Variants in RAP1A observed in about 807,000 individuals in gnomAD.
RAP1A encodes RAP1A, member of RAS oncogene family.
Under a neutral mutation model 26.4 loss-of-function variants are expected in RAP1A, and 6 were observed. The ratio of observed to expected loss-of-function variants is 0.23; its 90% CI spans 0.12 to 0.45. The LOEUF (loss-of-function observed/expected upper bound fraction) is 0.45, where lower values mean the gene tolerates loss of function less well. RAP1A is among the 20% of genes least tolerant of loss of function. The pLI is 0.99. For synonymous variants in RAP1A, 73 were observed against 79.4 expected (o/e 0.92, Z 0.43); for missense variants, 121 against 217.2 (o/e 0.56, Z 2.78).
At chr1:111,681,639 C>T (rs566038950) in intron 1 of RAP1A, among the ~76,000 whole-genome samples, 1 of 152,082 alleles carries the variant, frequency 6.6e-6, no homozygotes, top group African/African-American at 2.4e-5. Flanking sequence ...AGCGTGAAGA[C>T]AAGATTAGAG....
chr1:111,687,154 C>CT lies in RAP1A; in HGVS notation c.-27-4172dup, dbSNP rs1033578771. Among the ~76,000 whole-genome samples, 36 of 148,178 alleles carry CT rather than the reference C, an allele frequency of 2.4e-4. No individual in the cohort carries two copies. In the South Asian group the frequency reaches 3.2e-3, roughly 13 times the overall value. Reference sequence around the variant, plus strand: ...TGTATTTGTCCCATTTTTTTCTTTGCTTTTTTTTGCTTATTTGTTTGCATT... The same window carrying CT: ...TGTATTTGTCCCATTTTTTTCTTTGCTTTTTTTTTGCTTATTTGTTTGCATT... On this transcript the variant is annotated intron_variant, in intron 1 of 7. Coordinates refer to ENST00000369709, the MANE Select transcript of RAP1A (RefSeq NM_002884.4).
intron 1 of RAP1A, among the ~76,000 whole-genome samples, chr1:111,620,803 C>A (rs1298860709): frequency 2.0e-5 from 3 of 152,066 alleles, no homozygotes; most frequent in Non-Finnish European, 4.4e-5. Context: ...ATCTCTTGCC[C>A]CCTTAATCAG....
At chr1:111,577,868 AC>A (rs1284592991) in intron 1 of RAP1A, among the ~76,000 whole-genome samples, 1 of 151,990 alleles carries the variant, frequency 6.6e-6, no homozygotes, top group East Asian at 1.9e-4. Context: ...CCTCCTCTCC[AC>A]CCATCCTAAA....
At chr1:111,629,220 A>T (rs1445876412) in intron 1 of RAP1A, among the ~76,000 whole-genome samples, 1 of 152,170 alleles carries the variant, frequency 6.6e-6, no homozygotes, top group Non-Finnish European at 1.5e-5. Flanking sequence ...AATTGTGTGT[A>T]TGATGTTTAG....
chr1:111,628,526 C>A (rs1659468500), intron 1 of RAP1A, among the ~76,000 whole-genome samples: 1 of 152,106 alleles, frequency 6.6e-6, no homozygotes, highest in South Asian at 2.1e-4. Context: ...TTCAGGAGTA[C>A]AAGCTTTGGT....
chr1:111,669,026 GAAAAAAA>G (rs58557062), intron 1 of RAP1A, among the ~76,000 whole-genome samples: 5 of 19,846 alleles, frequency 2.5e-4, no homozygotes, highest in Admixed American at 1.2e-3. Context: ...CCTATCTCAA[GAAAAAAA>G]AAAAAAAAAA....
At chr1:111,670,201 T>C (rs1462026308) in intron 1 of RAP1A, among the ~76,000 whole-genome samples, 10 of 152,070 alleles carry the variant, frequency 6.6e-5, no homozygotes, top group Admixed American at 5.9e-4. Flanking sequence ...CCCAGGCGCA[T>C]TGGTGCATTC....
At chr1:111,624,877 G>A (rs957479133) in intron 1 of RAP1A, among the ~76,000 whole-genome samples, 1 of 151,828 alleles carries the variant, frequency 6.6e-6, no homozygotes, top group African/African-American at 2.4e-5. Flanking sequence ...TTTTTTAAAA[G>A]CACTAATGAC....
At chr1:111,662,374 G>C (rs1357158063) in intron 1 of RAP1A, among the ~76,000 whole-genome samples, 1 of 127,274 alleles carries the variant, frequency 7.9e-6, no homozygotes, top group Non-Finnish European at 1.6e-5. Context: ...AGGCTTGGGC[G>C]AAAGAGCGAG....
chr1:111,606,340 A>T lies in RAP1A; in HGVS notation c.-28+63831A>T, dbSNP rs377537843. Among the ~76,000 whole-genome samples the T allele has an allele frequency of 2.9e-3, 327 of 114,286 alleles. 1 individual carries two copies. The highest frequency in any genetic ancestry group is 5.3e-3 in the Non-Finnish European group (263 of 49,812). 75.0% of individuals were successfully genotyped at this position (114,286 alleles called of 152,430 possible). On this transcript the variant is annotated intron_variant, in intron 1 of 7. Transcript: ENST00000356415. ...TCATATTTCAGGATGAGGAACCTTTAAAAAAAAAATGCCTTCATTCTCAGA... is the reference window on the plus strand; with the variant it reads ...TCATATTTCAGGATGAGGAACCTTTTAAAAAAAAATGCCTTCATTCTCAGA...
intron 1 of RAP1A, among the ~76,000 whole-genome samples, chr1:111,573,244 A>G (rs1400285389): frequency 1.3e-5 from 2 of 152,128 alleles, no homozygotes; most frequent in East Asian, 3.8e-4. Flanking sequence ...AACAATTTAT[A>G]TTCCTTTGGG....
intron 1 of RAP1A, among the ~76,000 whole-genome samples, chr1:111,558,238 C>A (rs957293693): frequency 1.3e-5 from 2 of 152,050 alleles, no homozygotes; most frequent in African/African-American, 4.8e-5. Flanking sequence ...AGTGCAGTGG[C>A]GCAATCTTGG....
At chr1:111,606,328 T>C (rs942131850) in intron 1 of RAP1A, among the ~76,000 whole-genome samples, 1 of 149,666 alleles carries the variant, frequency 6.7e-6, no homozygotes, top group Non-Finnish European at 1.5e-5. Flanking sequence ...TATTTCAGGA[T>C]GAGGAACCTT....
intron 1 of RAP1A, among the ~76,000 whole-genome samples, chr1:111,554,937 T>C (rs945137023): frequency 2.0e-5 from 3 of 151,834 alleles, no homozygotes; most frequent in African/African-American, 4.8e-5. Flanking sequence ...AGAAACACCA[T>C]GTAAGGAAAA....
intron 1 of RAP1A, among the ~76,000 whole-genome samples, chr1:111,584,754 G>A (rs779620110): frequency 1.5e-4 from 23 of 151,972 alleles, no homozygotes; most frequent in Admixed American, 3.3e-4. Context: ...TGATGTGGCC[G>A]GTGACCAGAA....
chr1:111,643,501 T>C (rs1260074419), intron 1 of RAP1A, among the ~76,000 whole-genome samples: 2 of 152,346 alleles, frequency 1.3e-5, no homozygotes, highest in Non-Finnish European at 1.5e-5. Context: ...AGCTGTTTAT[T>C]AGCACTATTT....
chr1:111,656,930 C>T (rs1277016709), intron 1 of RAP1A, among the ~76,000 whole-genome samples: 1 of 152,018 alleles, frequency 6.6e-6, no homozygotes, highest in Non-Finnish European at 1.5e-5. Context: ...GCAGACTTCA[C>T]CACCATCTGT....
At chr1:111,594,837 A>G (rs1658536373) in intron 1 of RAP1A, among the ~76,000 whole-genome samples, 1 of 152,236 alleles carries the variant, frequency 6.6e-6, no homozygotes. Context: ...TGAAGTTTAT[A>G]GTTTAAGACT....
chr1:111,646,913 T>TA (rs1660089010), intron 1 of RAP1A, among the ~76,000 whole-genome samples: 1 of 152,260 alleles, frequency 6.6e-6, no homozygotes, highest in East Asian at 1.9e-4. Context: ...AAGTTTTTGT[T>TA]ACCCAAGATA....
Sources: gnomAD v4.1 joint callset for allele counts (sites outside exome capture counted in the v4.1 genomes callset) on GRCh38, gnomAD v4.1.1 for gene constraint, MANE v1.5 for transcripts, NCBI Gene and HGNC (gene_info 2026-07-23, HGNC 2026-07-21) for gene names.